Variants in PLCB4 observed in about 807,000 individuals in gnomAD.
PLCB4 encodes the protein 1-phosphatidylinositol 4,5-bisphosphate phosphodiesterase beta-4.
A neutral mutation model predicts 178.8 loss-of-function variants in PLCB4; 77 were observed. The observed-to-expected ratio is 0.43, with a 90% CI of 0.36 to 0.52. PLCB4 has a LOEUF of 0.52. Ranked by LOEUF, PLCB4 falls within the 20% of genes least tolerant of loss-of-function variation. PLCB4 has a pLI of 0.00. For synonymous variants in PLCB4, 496 were observed against 490.8 expected, an observed-to-expected ratio of 1.01 and a Z score of -0.14; for missense variants, 1,024 against 1,453.4, an observed-to-expected ratio of 0.70 and a Z score of 4.80.
chr20:9,114,455 A>G (rs2091709786), intron 2 of PLCB4, among the ~76,000 whole-genome samples: 1 of 152,172 alleles, frequency 6.6e-6, no homozygotes, highest in African/African-American at 2.4e-5. Flanking sequence ...AGAGATGAGT[A>G]TGAATATTGA....
chr20:9,080,444 A>T (rs887761602), intron 1 of PLCB4, among the ~76,000 whole-genome samples: 29 of 152,290 alleles, frequency 1.9e-4, no homozygotes, highest in African/African-American at 7.0e-4. Flanking sequence ...AGAGTTGGTC[A>T]CTCTGGAAAA....
chr20:9,302,419 T>C (rs755798478), intron 3 of PLCB4, among the ~76,000 whole-genome samples: 1 of 152,136 alleles, frequency 6.6e-6, no homozygotes, highest in Non-Finnish European at 1.5e-5. Context: ...TAGGTCATCA[T>C]TGTACCATGT....
At chr20:9,187,567 T>C (rs900546939) in intron 2 of PLCB4, among the ~76,000 whole-genome samples, 2 of 152,286 alleles carry the variant, frequency 1.3e-5, no homozygotes, top group East Asian at 3.9e-4. Flanking sequence ...TTGCTGTGTA[T>C]GGGTTCAGTA....
intron 1 of PLCB4, among the ~76,000 whole-genome samples, chr20:9,088,089 G>T (rs1241159233): frequency 6.6e-6 from 1 of 152,082 alleles, no homozygotes; most frequent in Non-Finnish European, 1.5e-5. Flanking sequence ...CATGGTTTCT[G>T]CACTGAAGCA....
intron 1 of PLCB4, among the ~76,000 whole-genome samples, chr20:9,090,922 A>G (rs144231817): frequency 4.6e-5 from 7 of 152,060 alleles, no homozygotes; most frequent in African/African-American, 1.7e-4. Context: ...TATACATGCA[A>G]TTTGTTTTCT....
intron 3 of PLCB4, among the ~76,000 whole-genome samples, chr20:9,228,711 G>T (rs899157764): frequency 6.6e-6 from 1 of 152,146 alleles, no homozygotes; most frequent in Non-Finnish European, 1.5e-5. Flanking sequence ...AGACACTGCT[G>T]AGCCTAGAGC....
intron 24 of PLCB4, among the ~76,000 whole-genome samples, chr20:9,409,927 G>T (rs1209963062): frequency 6.6e-6 from 1 of 152,150 alleles, no homozygotes. Flanking sequence ...ACTGTAGATG[G>T]TCAATTCTAC....
intron 7 of PLCB4, among the ~76,000 whole-genome samples, chr20:9,357,657 G>T (rs1378223931): frequency 6.6e-6 from 1 of 152,090 alleles, no homozygotes; most frequent in Non-Finnish European, 1.5e-5. Flanking sequence ...ATTTTAAAAA[G>T]GTACCAGATA....
intron 3 of PLCB4, among the ~76,000 whole-genome samples, chr20:9,242,902 C>G (rs951681430): frequency 6.6e-6 from 1 of 152,080 alleles, no homozygotes; most frequent in Non-Finnish European, 1.5e-5. Flanking sequence ...AATTTGGAGG[C>G]AGCTGAATTA....
At chr20:9,256,750 A>G (rs574164670) in intron 3 of PLCB4, among the ~76,000 whole-genome samples, 1 of 152,354 alleles carries the variant, frequency 6.6e-6, no homozygotes, top group South Asian at 2.1e-4. Context: ...AAAATTAAAT[A>G]ACATTATTCA....
chr20:9,391,967 T>G (rs2038183783), intron 17 of PLCB4, among the ~76,000 whole-genome samples: 1 of 152,216 alleles, frequency 6.6e-6, no homozygotes, highest in South Asian at 2.1e-4. Context: ...TGTTGGAGTT[T>G]CCTTCCAAGT....
At chr20:9,405,178 T>C in intron 20 of PLCB4, 135 bp from the exon 21 acceptor site, 2 of 553,910 alleles carry the variant, frequency 3.6e-6, no homozygotes, top group Admixed American at 3.6e-5. Context: ...TTGTCATCAG[T>C]AATGTCCCAC....
At chr20:9,150,776 T>C (rs2092678075) in intron 2 of PLCB4, among the ~76,000 whole-genome samples, 1 of 152,168 alleles carries the variant, frequency 6.6e-6, no homozygotes, top group African/African-American at 2.4e-5. Context: ...ACTACACATT[T>C]GGACGATTTA....
At chr20:9,213,025 T>G (rs1211144398) in intron 2 of PLCB4, among the ~76,000 whole-genome samples, 1 of 151,856 alleles carries the variant, frequency 6.6e-6, no homozygotes, top group Non-Finnish European at 1.5e-5. Flanking sequence ...AGAGAGCCAC[T>G]AGTCAGCTTT....
intron 3 of PLCB4, among the ~76,000 whole-genome samples, chr20:9,217,723 A>G (rs2093749078): frequency 6.6e-6 from 1 of 152,214 alleles, no homozygotes; most frequent in Non-Finnish European, 1.5e-5. Context: ...GCCCGCATTT[A>G]GTAAGCATCA....
intron 12 of PLCB4, among the ~76,000 whole-genome samples, chr20:9,378,779 T>C (rs1296400079): frequency 6.6e-6 from 1 of 152,140 alleles, no homozygotes; most frequent in East Asian, 1.9e-4. Context: ...TTAATGCTCT[T>C]AACTCGGTGG....
chr20:9,478,020 A>G (rs979009544), intron 39 of PLCB4, among the ~76,000 whole-genome samples: 3 of 152,188 alleles, frequency 2.0e-5, no homozygotes, highest in African/African-American at 7.2e-5. Flanking sequence ...ATTTCAAAGC[A>G]GCATGTCACT....
At chr20:9,336,382 G>A (rs74467373) in intron 4 of PLCB4, among the ~76,000 whole-genome samples, 7,039 of 152,188 alleles carry the variant, frequency 0.046, 362 homozygotes, top group East Asian at 0.18. Context: ...CCTTGAATTT[G>A]GCTAATATTG....
At chr20:9,428,538 T>C (rs2041184276) in intron 28 of PLCB4, among the ~76,000 whole-genome samples, 1 of 152,176 alleles carries the variant, frequency 6.6e-6, no homozygotes, top group Non-Finnish European at 1.5e-5. Context: ...AAGCACCTAC[T>C]GTATTTTCTA....
Sources: gnomAD v4.1 joint callset for allele counts (sites outside exome capture counted in the v4.1 genomes callset) on GRCh38, gnomAD v4.1.1 for gene constraint, MANE v1.5 for transcripts, NCBI Gene and HGNC (gene_info 2026-07-23, HGNC 2026-07-21) for gene names.